Variants in ZBTB7C observed in about 807,000 individuals in gnomAD.
ZBTB7C encodes the protein zinc finger and BTB domain containing 7C.
Under a neutral mutation model 25.7 loss-of-function variants are expected in ZBTB7C, and 8 were observed. The observed-to-expected ratio is 0.31, with a 90% CI of 0.18 to 0.56. The LOEUF (loss-of-function observed/expected upper bound fraction) is 0.56, where lower values mean the gene tolerates loss of function less well. Ranked by LOEUF, ZBTB7C falls within the 20% of genes least tolerant of loss-of-function variation. ZBTB7C has a pLI of 0.91. For missense variants in ZBTB7C, 824 were observed against 855.2 expected (o/e 0.96, Z 0.46); for synonymous variants, 394 against 369.0 (o/e 1.07, Z -0.78).
At chr18:48,159,277 G>A (rs528431607) in intron 3 of ZBTB7C, among the ~76,000 whole-genome samples, 11 of 152,196 alleles carry the variant, frequency 7.2e-5, no homozygotes, top group African/African-American at 2.6e-4. Flanking sequence ...TGTGAATCCC[G>A]GTGGTCTTCT....
chr18:48,242,115 C>T (rs1004572531), intron 2 of ZBTB7C, among the ~76,000 whole-genome samples: 3 of 152,096 alleles, frequency 2.0e-5, no homozygotes, highest in Non-Finnish European at 4.4e-5. Context: ...GGATAAAATC[C>T]TGGAAGTATA....
At chr18:48,085,580 G>A (rs1376536378) in intron 3 of ZBTB7C, among the ~76,000 whole-genome samples, 1 of 152,216 alleles carries the variant, frequency 6.6e-6, no homozygotes, top group African/African-American at 2.4e-5. Flanking sequence ...TGGGGAGTAT[G>A]AGTCAATTCT....
At chr18:48,036,931 G>A (rs1202320392) in intron 4 of ZBTB7C, among the ~76,000 whole-genome samples, 3 of 152,220 alleles carry the variant, frequency 2.0e-5, no homozygotes, top group Non-Finnish European at 4.4e-5. Context: ...GCACGGAAAA[G>A]AATCCTTGCC....
chr18:48,339,039 C>G (rs2046529529), intron 1 of ZBTB7C, among the ~76,000 whole-genome samples: 1 of 152,180 alleles, frequency 6.6e-6, no homozygotes, highest in African/African-American at 2.4e-5. Flanking sequence ...AACAGAGACA[C>G]CGGCTCCACA....
At chr18:48,370,383 GA>G (rs1568406602) in intron 1 of ZBTB7C, among the ~76,000 whole-genome samples, 2 of 152,146 alleles carry the variant, frequency 1.3e-5, no homozygotes, top group Non-Finnish European at 2.9e-5. Context: ...CAAAATTACA[GA>G]AATGAAGAAC....
In ZBTB7C at chr18:48,408,849, C is replaced by T. The variant is rs556419718; in HGVS notation, c.-304+377G>A. Among the ~76,000 whole-genome samples the T allele has an allele frequency of 3.0e-4, 45 of 151,350 alleles. 1 individual carries two copies. In the South Asian group the frequency reaches 9.3e-3, roughly 31 times the overall value. On this transcript the variant is annotated intron_variant, in intron 1 of 4. Transcript: ENST00000590800. ...TTCCAGCCCCGCGCGCCACTTCGCT[C>T]CGGGCCGCGGTGCCAGCCAGGAGGC...
intron 2 of ZBTB7C, among the ~76,000 whole-genome samples, chr18:48,235,679 T>C (rs896222277): frequency 2.0e-5 from 3 of 152,182 alleles, no homozygotes; most frequent in Non-Finnish European, 4.4e-5. Flanking sequence ...AGTTTTTGTT[T>C]GTCCAAATTT....
At chr18:48,216,796 A>G (rs557985380) in intron 2 of ZBTB7C, among the ~76,000 whole-genome samples, 43 of 152,114 alleles carry the variant, frequency 2.8e-4, no homozygotes, top group African/African-American at 1.0e-3. Flanking sequence ...CTAGACCCTC[A>G]TCATTTGTTG....
chr18:48,338,761 G>A (rs1017698836), intron 1 of ZBTB7C, among the ~76,000 whole-genome samples: 7 of 152,114 alleles, frequency 4.6e-5, no homozygotes, highest in Admixed American at 3.3e-4. Context: ...AGAACCTCAC[G>A]CTGTTCCATC....
At chr18:48,171,489 G>C (rs1206933369) in intron 3 of ZBTB7C, among the ~76,000 whole-genome samples, 1 of 152,230 alleles carries the variant, frequency 6.6e-6, no homozygotes, top group Non-Finnish European at 1.5e-5. Context: ...GCTGATCTCA[G>C]CAACTATGCG....
At chr18:48,212,371 G>A (rs973412579) in intron 2 of ZBTB7C, among the ~76,000 whole-genome samples, 1 of 152,148 alleles carries the variant, frequency 6.6e-6, no homozygotes, top group African/African-American at 2.4e-5. Flanking sequence ...GTTGAAAGCA[G>A]TGAAACTGCT....
chr18:48,041,837 T>C (rs1403672580), intron 3 of ZBTB7C, among the ~76,000 whole-genome samples: 1 of 152,170 alleles, frequency 6.6e-6, no homozygotes, highest in African/African-American at 2.4e-5. Flanking sequence ...AATGCAATAT[T>C]CAATATAAAT....
rs376943707 is a variant in ZBTB7C, at chr18:48,172,682, T to C, written c.-17+13252A>G. On this transcript the variant is annotated intron_variant, in intron 3 of 4. Coordinates refer to ENST00000590800, the MANE Select transcript of ZBTB7C (RefSeq NM_001318841.2). ...AGTCGAGGGCAATGATAGCCCTCAG[T>C]TCCTTGGGCGGCCCCTCCCTCAGGG... Among the ~76,000 whole-genome samples, 22 of 152,376 alleles carry C rather than the reference T, an allele frequency of 1.4e-4. No homozygotes were observed. In the East Asian group the frequency reaches 3.9e-3, roughly 27 times the overall value.
At chr18:48,128,437 A>C (rs1228534837) in intron 3 of ZBTB7C, among the ~76,000 whole-genome samples, 1 of 152,230 alleles carries the variant, frequency 6.6e-6, no homozygotes, top group Non-Finnish European at 1.5e-5. Context: ...CACAATTGTA[A>C]AGATATGGAA....
chr18:48,085,380 G>C (rs1054695925), intron 3 of ZBTB7C, among the ~76,000 whole-genome samples: 1 of 152,186 alleles, frequency 6.6e-6, no homozygotes, highest in Admixed American at 6.5e-5. Flanking sequence ...CTCCTCACTA[G>C]AGACGTTTGT....
At chr18:48,275,553 A>G (rs2144600326) in intron 2 of ZBTB7C, among the ~76,000 whole-genome samples, 1 of 152,248 alleles carries the variant, frequency 6.6e-6, no homozygotes, top group East Asian at 1.9e-4. Context: ...GCCCTAAATC[A>G]CAGGGTTCAC....
In ZBTB7C at chr18:48,288,061, A is replaced by T. The variant is rs189069697; in HGVS notation, c.-79+50113T>A. Among the ~76,000 whole-genome samples the T allele has an allele frequency of 4.7e-3, 709 of 152,366 alleles. 5 individuals carry two copies. The highest frequency in any genetic ancestry group is 0.017 in the African/African-American group (691 of 41,576). On this transcript the variant is annotated intron_variant, in intron 2 of 4. Transcript: ENST00000590800. Reference sequence around the variant, plus strand: ...AATGGATATCCTTAGCCAGTACATTAAGGCAAAAAGAAATAAAGAACATAA... The same window carrying T: ...AATGGATATCCTTAGCCAGTACATTTAGGCAAAAAGAAATAAAGAACATAA...
At chr18:48,277,088 A>G (rs201701320) in intron 2 of ZBTB7C, among the ~76,000 whole-genome samples, 3,203 of 149,924 alleles carry the variant, frequency 0.021, 217 homozygotes, top group East Asian at 0.14. Context: ...AGGCATGGGC[A>G]AGGACTTCAT....
intron 2 of ZBTB7C, among the ~76,000 whole-genome samples, chr18:48,319,432 A>T (rs2046035821): frequency 6.6e-6 from 1 of 152,170 alleles, no homozygotes. Flanking sequence ...GAAAGAACTT[A>T]ATCGATGTTA....
Sources: gnomAD v4.1 joint callset for allele counts (sites outside exome capture counted in the v4.1 genomes callset) on GRCh38, gnomAD v4.1.1 for gene constraint, MANE v1.5 for transcripts, NCBI Gene and HGNC (gene_info 2026-07-23, HGNC 2026-07-21) for gene names.